The following CDKL1 variants were observed in gnomAD, a reference collection of about 807,000 sequenced individuals.
CDKL1 encodes cyclin dependent kinase like 1.
CDKL1 carries 41 observed loss-of-function variants against 42.0 expected under a neutral mutation model. That is an observed-to-expected ratio of 0.98 (90% CI 0.76 to 1.27). The LOEUF is 1.27. Among genes scored for constraint, CDKL1 ranks in the 50% most tolerant of loss-of-function variants. CDKL1 has a pLI of 0.00. For missense variants in CDKL1, 394 were observed against 428.4 expected (o/e 0.92, Z 0.71); for synonymous variants, 153 against 158.6 (o/e 0.96, Z 0.26).
At chr14:50,378,338 A>G in intron 2 of CDKL1, 1 of 1,366,514 alleles carries the variant, frequency 7.3e-7, no homozygotes, top group Non-Finnish European at 9.8e-7. Context: ...TTGCTCTGCG[A>G]GGAAATAACT....
At chr14:50,380,018 G>C (rs2034856593) in intron 2 of CDKL1, 2 of 448,664 alleles carry the variant, frequency 4.5e-6, no homozygotes, top group Admixed American at 4.8e-5. Context: ...GGGCTTAACA[G>C]GTCCATGAAT....
chr14:50,361,987 G>C (rs1265693753), intron 2 of CDKL1, among the ~76,000 whole-genome samples: 2 of 152,238 alleles, frequency 1.3e-5, no homozygotes, highest in Non-Finnish European at 2.9e-5. Flanking sequence ...GCGAGTTCCG[G>C]GTGGGCATGG....
chr14:50,328,460 A>T lies in CDKL1; in HGVS notation c.*1614T>A, dbSNP rs1023105654. On this transcript the variant is annotated 3_prime_UTR_variant, in exon 10 of 10. Transcript: ENST00000395834. ...ACTTAAGTAAATGGGGTCAGATGTC[A>T]TCATGAAGAAAATTAACAGGAAGAA... The T allele has an allele frequency of 6.6e-6, 1 of 152,194 alleles. No individual in the cohort carries two copies. The highest frequency in any genetic ancestry group is 6.5e-5 in the Admixed American group (1 of 15,270). 9.4% of individuals were successfully genotyped at this position (152,194 alleles called of 1,614,324 possible). A position where few individuals can be genotyped will look rare whatever the true frequency, so the allele number is the denominator to read the frequency against.
intron 2 of CDKL1, among the ~76,000 whole-genome samples, chr14:50,374,328 T>C (rs2034669283): frequency 6.6e-6 from 1 of 152,236 alleles, no homozygotes; most frequent in South Asian, 2.1e-4. Flanking sequence ...AACTATTCTA[T>C]ATGATACTGT....
At chr14:50,365,963 C>T (rs929689560) in intron 2 of CDKL1, among the ~76,000 whole-genome samples, 4 of 152,264 alleles carry the variant, frequency 2.6e-5, no homozygotes, top group Admixed American at 2.6e-4. Context: ...CTCCGGCCTT[C>T]AGCCACAGAC....
intron 3 of CDKL1, among the ~76,000 whole-genome samples, chr14:50,356,329 G>A (rs917080357): frequency 2.6e-5 from 4 of 152,160 alleles, no homozygotes; most frequent in Non-Finnish European, 4.4e-5. Context: ...GAAGACACCT[G>A]TAAGCAATTT....
intron 6 of CDKL1, among the ~76,000 whole-genome samples, chr14:50,339,527 AGG>A (rs754367428): frequency 0.012 from 543 of 46,850 alleles, 7 homozygotes; most frequent in African/African-American, 0.043. Flanking sequence ...GGAGGAAGAG[AGG>A]GAGGGAGGGA....
chr14:50,390,971 A>T (rs2035239939), intron 2 of CDKL1, among the ~76,000 whole-genome samples: 1 of 152,140 alleles, frequency 6.6e-6, no homozygotes, highest in African/African-American at 2.4e-5. Context: ...AGTAGCTGGG[A>T]CTACAGGTGC....
chr14:50,393,620 C>A (rs916450041), intron 2 of CDKL1, among the ~76,000 whole-genome samples: 3 of 152,180 alleles, frequency 2.0e-5, no homozygotes, highest in East Asian at 3.8e-4. Context: ...GTAGCTAGGA[C>A]CACAGGCACG....
rs2032962867 is a variant in CDKL1 at position 50,331,890 on chromosome 14, GTT to G, written c.966+370_966+371del. ...TTTTTTGGACAAACCTGGAGTGTTA[GTT>G]TTAATACTAAAAGTGTACATGATGA... On this transcript the variant is annotated intron_variant, in intron 9 of 9. Transcript: ENST00000395834. 1.8e-5 allele frequency: 15 copies of G among 820,928 alleles called. No homozygotes were observed. The South Asian group carries it at 2.8e-4, about 15-fold the overall frequency. 50.9% of individuals were successfully genotyped at this position (820,928 alleles called of 1,614,324 possible). A position where few individuals can be genotyped will look rare whatever the true frequency, so the allele number is the denominator to read the frequency against.
chr14:50,366,413 C>T (rs1290461714), intron 2 of CDKL1, among the ~76,000 whole-genome samples: 1 of 152,130 alleles, frequency 6.6e-6, no homozygotes, highest in Non-Finnish European at 1.5e-5. Context: ...GACAGTGTGG[C>T]TGGTGGGTGA....
intron 1 of CDKL1, 38 bp downstream of exon 1, chr14:50,396,786 A>C (rs1287190127): frequency 6.1e-6 from 1 of 163,778 alleles, no homozygotes; most frequent in Non-Finnish European, 1.3e-5. Flanking sequence ...CGTGTTGGCC[A>C]GGGACGGCCC....
chr14:50,363,113 C>T (rs1005487815), intron 2 of CDKL1: 6 of 283,530 alleles, frequency 2.1e-5, no homozygotes, highest in Non-Finnish European at 4.8e-5. Context: ...CAGCTTCACT[C>T]TTGAGCCAGG....
chr14:50,344,225 G>A (rs2033651268), intron 4 of CDKL1, among the ~76,000 whole-genome samples: 1 of 152,110 alleles, frequency 6.6e-6, no homozygotes, highest in Non-Finnish European at 1.5e-5. Context: ...AGGTTGCTTG[G>A]TTCGAGACTC....
At position 50,388,644 on chromosome 14, in the gene CDKL1, C is replaced by T. The variant is rs547803422; in HGVS notation, c.168+7057G>A. Among the ~76,000 whole-genome samples, 7 of 152,300 alleles carry T rather than the reference C, an allele frequency of 4.6e-5. No homozygotes were observed. The East Asian group carries it at 7.7e-4, about 17-fold the overall frequency. Reference sequence around the variant, plus strand: ...TCTTGCATCCTTGAGGCTGCTTGACCGCTGTTAGATGTTTGGCCCAAGAGC... The same window carrying T: ...TCTTGCATCCTTGAGGCTGCTTGACTGCTGTTAGATGTTTGGCCCAAGAGC... On this transcript the variant is annotated intron_variant, in intron 2 of 9. Transcript: ENST00000395834.
intron 2 of CDKL1, among the ~76,000 whole-genome samples, chr14:50,379,168 G>A (rs2034831173): frequency 1.3e-5 from 2 of 152,176 alleles, no homozygotes; most frequent in South Asian, 4.1e-4. Flanking sequence ...CTTAAAATGT[G>A]CTGCTGGCAT....
At chr14:50,361,013 C>A (rs2034230382) in intron 2 of CDKL1, among the ~76,000 whole-genome samples, 1 of 152,144 alleles carries the variant, frequency 6.6e-6, no homozygotes, top group African/African-American at 2.4e-5. Flanking sequence ...CATGAATGTA[C>A]AAATATGTTT....
chr14:50,367,672 C>A (rs1337785752), intron 2 of CDKL1, among the ~76,000 whole-genome samples: 4 of 152,170 alleles, frequency 2.6e-5, no homozygotes, highest in Non-Finnish European at 5.9e-5. Flanking sequence ...ACCATATATA[C>A]CACAAAGATG....
intron 3 of CDKL1, among the ~76,000 whole-genome samples, chr14:50,352,828 C>T (rs2033942611): frequency 6.6e-6 from 1 of 152,174 alleles, no homozygotes; most frequent in African/African-American, 2.4e-5. Context: ...ATTAACTAGC[C>T]TGTCATATAA....
Sources: allele counts gnomAD v4.1 joint callset (sites outside exome capture counted in the v4.1 genomes callset), GRCh38; gene constraint gnomAD v4.1.1; transcripts MANE v1.5; gene names NCBI Gene and HGNC (gene_info 2026-07-23, HGNC 2026-07-21).